The following GYPC variants were observed in gnomAD, a reference collection of about 807,000 sequenced individuals.
GYPC encodes glycophorin C (Gerbich blood group).
In GYPC, 14 loss-of-function variants were observed where a neutral mutation model predicts 12.6. The observed-to-expected ratio is 1.11, with a 90% CI of 0.74 to 1.74. The LOEUF is 1.74. GYPC is among the 40% of genes most tolerant of loss of function. The probability of loss-of-function intolerance (pLI) is 0.00; values close to 1 mark genes in which losing one functional copy is unlikely to be tolerated. For synonymous variants in GYPC, 78 were observed against 62.1 expected (o/e 1.26, Z -1.20); for missense variants, 225 against 172.1 (o/e 1.31, Z -1.72).
At chr2:126,681,594 G>A (rs1441896999) in intron 1 of GYPC, among the ~76,000 whole-genome samples, 3 of 151,952 alleles carry the variant, frequency 2.0e-5, no homozygotes, top group African/African-American at 4.8e-5. Flanking sequence ...TTGACATATC[G>A]ACGATGAGAA....
At chr2:126,657,890 G>A (rs890557852) in intron 1 of GYPC, 10 of 153,618 alleles carry the variant, frequency 6.5e-5, no homozygotes, top group Non-Finnish European at 1.2e-4. Flanking sequence ...GAACTGCAGG[G>A]GGGGTGGGGG....
intron 1 of GYPC, among the ~76,000 whole-genome samples, chr2:126,661,481 T>C (rs1168513424): frequency 9.3e-5 from 14 of 151,020 alleles, no homozygotes; most frequent in Non-Finnish European, 1.6e-4. Flanking sequence ...ATACGGAGTT[T>C]TGCTCTTGTT....
At chr2:126,686,311 C>G in intron 1 of GYPC, 3 of 985,736 alleles carry the variant, frequency 3.0e-6, no homozygotes, top group Non-Finnish European at 3.6e-6. Flanking sequence ...AAGCTGCCAA[C>G]TGAAGCAGAG....
intron 1 of GYPC, among the ~76,000 whole-genome samples, chr2:126,674,689 T>C (rs1032580881): frequency 6.6e-6 from 1 of 152,172 alleles, no homozygotes; most frequent in African/African-American, 2.4e-5. Flanking sequence ...TATGATGTGG[T>C]GTGGTCGGGT....
Position 126,693,938 on chromosome 2 carries a change from GT to G in GYPC, c.182del (p.Val61AlafsTer5). On this transcript the variant is annotated frameshift_variant, in exon 3 of 4. Transcript: ENST00000259254. LOFTEE classifies it high-confidence loss of function. ...CACCCCCACCATAATGGACATTGTC[GT>G]CATTGCAGGTGAGCTCTCATCACAG... ...TSTPTIMDIV[V>X]IAGVIAAVAI... The G allele has an allele frequency of 6.2e-7, 1 of 1,605,172 alleles. No homozygotes were observed. The highest frequency in any genetic ancestry group is 8.5e-7 in the Non-Finnish European group (1 of 1,171,936).
chr2:126,680,379 G>A (rs573772649), intron 1 of GYPC: 4 of 152,288 alleles, frequency 2.6e-5, no homozygotes, highest in African/African-American at 7.2e-5. Flanking sequence ...GGGACAACCC[G>A]GAGCCTCCCC....
intron 2 of GYPC, among the ~76,000 whole-genome samples, chr2:126,693,216 T>C (rs1314856863): frequency 6.6e-6 from 1 of 152,234 alleles, no homozygotes; most frequent in African/African-American, 2.4e-5. Flanking sequence ...TGAGACTGGA[T>C]TAGTCACTGG....
At chr2:126,668,047 A>C (rs1682734497) in intron 1 of GYPC, among the ~76,000 whole-genome samples, 1 of 152,194 alleles carries the variant, frequency 6.6e-6, no homozygotes, top group Non-Finnish European at 1.5e-5. Context: ...GCTCAGACAC[A>C]GGTAACAGTG....
rs770492948 is a variant in GYPC, at chr2:126,656,312, G to A, written c.49G>A (p.Glu17Lys). The A allele has an allele frequency of 5.7e-5, 90 of 1,582,852 alleles. No individual in the cohort carries two copies. Among genetic ancestry groups the A allele is most frequent in the Non-Finnish European group, 7.5e-5 (88 of 1,166,082 alleles). The change falls in exon 1 of 4, where the codon GAG becomes AAG. Residue 17 changes from glutamate (E) to lysine (K), a missense_variant and splice_region_variant. Physicochemically the swap from Glu to Lys is moderately conservative, Grantham distance 56. Coordinates refer to ENST00000259254, the MANE Select transcript of GYPC (RefSeq NM_002101.5). ...CAGCACGGCGTGGCCTCTCAGCCTC[G>A]GTGAGTACCCGCCGTGGGGAAGGGT... ...PNSTAWPLSLEPDPGMASAST... is the reference protein window; with the variant it reads ...PNSTAWPLSLKPDPGMASAST...
intron 1 of GYPC, among the ~76,000 whole-genome samples, chr2:126,674,486 G>A (rs28369985): frequency 5.3e-5 from 8 of 152,322 alleles, no homozygotes; most frequent in Non-Finnish European, 1.0e-4. Flanking sequence ...GCAAGGCCGC[G>A]GGTGGAGAAA....
intron 1 of GYPC, among the ~76,000 whole-genome samples, chr2:126,670,733 G>A (rs1032585068): frequency 2.6e-5 from 4 of 152,046 alleles, no homozygotes; most frequent in African/African-American, 9.7e-5. Context: ...ACCAGGGAGG[G>A]ACCAGAAAGA....
At chr2:126,692,184 C>T (rs188968723) in intron 2 of GYPC, among the ~76,000 whole-genome samples, 1 of 152,230 alleles carries the variant, frequency 6.6e-6, no homozygotes, top group East Asian at 1.9e-4. Flanking sequence ...GGATCCTATA[C>T]CCTGCCTGGT....
chr2:126,667,191 G>C (rs777993330), intron 1 of GYPC, among the ~76,000 whole-genome samples: 17 of 152,168 alleles, frequency 1.1e-4, no homozygotes, highest in Admixed American at 1.3e-4. Context: ...CGTGGATTTA[G>C]AGAATTCAGC....
chr2:126,696,168 AT>A lies in GYPC; in HGVS notation c.*27del, dbSNP rs1312149246. ...GGGACAACAGACTTCACTTCCCTGA[AT>A]GCCTCCCCCATCTCCATCAGGAAAA... is the stretch of plus-strand genomic sequence containing the variant. On this transcript the variant is annotated 3_prime_UTR_variant, in exon 4 of 4. Coordinates refer to ENST00000259254, the MANE Select transcript of GYPC (RefSeq NM_002101.5). 6.5e-7 allele frequency: 1 copy of A among 1,544,770 alleles called. No individual in the cohort carries two copies. The highest frequency in any genetic ancestry group is 1.7e-5 in the Admixed American group (1 of 59,578).
chr2:126,662,175 T>C (rs1682551975), intron 1 of GYPC, among the ~76,000 whole-genome samples: 1 of 152,148 alleles, frequency 6.6e-6, no homozygotes, highest in African/African-American at 2.4e-5. Flanking sequence ...CTCAGCACAG[T>C]CTTAAAAGGG....
rs1038374364 is a variant in GYPC at position 126,695,931 on chromosome 2, T to A, written c.191-15T>A. 3 of 1,611,884 alleles carry A rather than the reference T, an allele frequency of 1.9e-6. No homozygotes were observed. The African/African-American group carries it at 4.0e-5, about 22-fold the overall frequency. On this transcript the variant is annotated splice_polypyrimidine_tract_variant and intron_variant, in intron 3 of 3. Coordinates refer to ENST00000259254, the MANE Select transcript of GYPC (RefSeq NM_002101.5). ...CCTGCCTCAGACTGACCCTTGCACCTCTTCCCACCTGCAGGTGTGATTGCT... is the reference window on the plus strand; with the variant it reads ...CCTGCCTCAGACTGACCCTTGCACCACTTCCCACCTGCAGGTGTGATTGCT...
chr2:126,670,698 C>T (rs545191094), intron 1 of GYPC, among the ~76,000 whole-genome samples: 3 of 152,200 alleles, frequency 2.0e-5, no homozygotes, highest in Non-Finnish European at 2.9e-5. Flanking sequence ...AGACCTAGCA[C>T]GGGGCACACA....
chr2:126,693,120 T>C (rs987085207), intron 2 of GYPC, among the ~76,000 whole-genome samples: 1 of 152,260 alleles, frequency 6.6e-6, no homozygotes, highest in African/African-American at 2.4e-5. Flanking sequence ...AGGTGGGACC[T>C]AGTGGGAGAT....
intron 1 of GYPC, among the ~76,000 whole-genome samples, chr2:126,677,376 AGT>A (rs1683023988): frequency 6.7e-6 from 1 of 149,568 alleles, no homozygotes; most frequent in Admixed American, 6.7e-5. Context: ...AATGAGTAGG[AGT>A]GTGAGTGTGT....
Sources: allele counts gnomAD v4.1 joint callset (sites outside exome capture counted in the v4.1 genomes callset), GRCh38; gene constraint gnomAD v4.1.1; transcripts MANE v1.5; gene names NCBI Gene and HGNC (gene_info 2026-07-23, HGNC 2026-07-21).